Variants in ARHGEF12 observed in about 807,000 individuals in gnomAD.
The protein encoded by ARHGEF12 is KMT2A/ARHGEF12 fusion protein.
In ARHGEF12, 66 loss-of-function variants were observed where a neutral mutation model predicts 211.2. The ratio of observed to expected loss-of-function variants is 0.31; its 90% CI spans 0.26 to 0.38. ARHGEF12 has a LOEUF of 0.38. Among genes scored for constraint, ARHGEF12 ranks in the 10% least tolerant of loss-of-function variants. ARHGEF12 has a pLI of 1.00. For synonymous variants in ARHGEF12, 592 were observed against 638.4 expected, an observed-to-expected ratio of 0.93 and a Z score of 1.09; for missense variants, 1,429 against 1,869.5, an observed-to-expected ratio of 0.76 and a Z score of 4.34.
chr11:120,338,543 A>G (rs932095243), intron 1 of ARHGEF12, among the ~76,000 whole-genome samples: 1 of 152,212 alleles, frequency 6.6e-6, no homozygotes, highest in African/African-American at 2.4e-5. Flanking sequence ...TTCATTTTCA[A>G]TGAAATAATT....
At chr11:120,426,094 G>A (rs570267836) in intron 7 of ARHGEF12, among the ~76,000 whole-genome samples, 6 of 152,190 alleles carry the variant, frequency 3.9e-5, no homozygotes, top group African/African-American at 1.2e-4. Flanking sequence ...GCGTTCTTTA[G>A]TTTAAAAGAG....
At chr11:120,446,695 C>T (rs556850161) in intron 17 of ARHGEF12, among the ~76,000 whole-genome samples, 187 bp downstream of exon 17, 1 of 152,258 alleles carries the variant, frequency 6.6e-6, no homozygotes, top group Admixed American at 6.5e-5. Flanking sequence ...CTCTCCATTC[C>T]AGGCACTTGC....
At chr11:120,484,923 C>A (rs2136032356) in intron 40 of ARHGEF12, 144 bp from the exon 41 acceptor site, 2 of 829,174 alleles carry the variant, frequency 2.4e-6, no homozygotes, top group Non-Finnish European at 3.8e-6. Context: ...GATTTGTGTT[C>A]CCTGCAGCAG....
chr11:120,360,516 C>T (rs994733887), intron 1 of ARHGEF12, among the ~76,000 whole-genome samples: 5 of 152,102 alleles, frequency 3.3e-5, no homozygotes, highest in Admixed American at 6.6e-5. Context: ...CCTCAGCCTC[C>T]CAAGTAGCTG....
At chr11:120,403,200 A>C (rs1347965444) in intron 1 of ARHGEF12, among the ~76,000 whole-genome samples, 2 of 152,168 alleles carry the variant, frequency 1.3e-5, no homozygotes, top group African/African-American at 4.8e-5. Context: ...GCTGTGCTTA[A>C]TATACAAAAT....
intron 39 of ARHGEF12, among the ~76,000 whole-genome samples, chr11:120,483,585 A>G (rs191229140): frequency 1.2e-3 from 179 of 150,924 alleles, no homozygotes; most frequent in Non-Finnish European, 2.2e-3. Flanking sequence ...CACCACACCC[A>G]GCTAATTTTT....
rs564703814 is a variant in ARHGEF12 at position 120,469,485 on chromosome 11, C to T, written c.2955+97C>T. On this transcript the variant is annotated intron_variant, in intron 30 of 40. Coordinates refer to ENST00000397843, the MANE Select transcript of ARHGEF12 (RefSeq NM_015313.3). The stretch of plus-strand genomic sequence containing the variant: ...GAAATAGTTGTTAAAACTATCATTA[C>T]CTAATGGACAGGGAGAACATTTGTT... 21 of 974,772 alleles carry T rather than the reference C, an allele frequency of 2.2e-5. No individual in the cohort carries two copies. The African/African-American group carries it at 3.3e-4, about 15-fold the overall frequency. The allele number at this position is 974,772 out of a possible 1,614,324, so 60.4% of individuals were successfully genotyped here.
At chr11:120,459,463 C>T in intron 26 of ARHGEF12, 143 bp downstream of exon 26, 4 of 874,346 alleles carry the variant, frequency 4.6e-6, no homozygotes, top group Non-Finnish European at 5.0e-6. Flanking sequence ...ATGATTGGAA[C>T]TTTGACTAGA....
At chr11:120,409,898 GA>G in intron 4 of ARHGEF12, 1 of 152,432 alleles carries the variant, frequency 6.6e-6, no homozygotes, top group African/African-American at 2.4e-5. Context: ...CAGTTCTTTG[GA>G]ATTTTTATTT....
rs142635026 is a variant in ARHGEF12, at chr11:120,466,794, T to C, written c.2740-400T>C. Among the ~76,000 whole-genome samples, 93 of 152,356 alleles carry C rather than the reference T, an allele frequency of 6.1e-4. 2 individuals carry two copies. The East Asian group carries it at 0.011, about 18-fold the overall frequency. The stretch of plus-strand genomic sequence containing the variant: ...GTATAGATGAGCTGGCATACTCGAC[T>C]GGTTATCCATTGTGCATACTTGGAA... On this transcript the variant is annotated intron_variant, in intron 28 of 40. Coordinates refer to ENST00000397843, the MANE Select transcript of ARHGEF12 (RefSeq NM_015313.3).
Position 120,409,462 on chromosome 11 carries a change from T to C in ARHGEF12, c.199+12T>C. On this transcript the variant is annotated intron_variant, in intron 4 of 40. Coordinates refer to ENST00000397843, the MANE Select transcript of ARHGEF12 (RefSeq NM_015313.3). ...ATCCGAGATATATGGTAAGCTAATG[T>C]AGCTAATTCAGCCTTGCCCTTTGGA... 1 of 1,613,524 alleles carries C rather than the reference T, an allele frequency of 6.2e-7. No homozygotes were observed. Among genetic ancestry groups the C allele is most frequent in the South Asian group, 1.1e-5 (1 of 90,972 alleles).
intron 7 of ARHGEF12, among the ~76,000 whole-genome samples, chr11:120,427,181 A>C (rs994496855): frequency 2.0e-5 from 3 of 151,932 alleles, no homozygotes; most frequent in African/African-American, 7.3e-5. Flanking sequence ...TGGCCTGATT[A>C]TGGTGATTTT....
chr11:120,367,353 CTTTTTTTTTTTTTTTT>C lies in ARHGEF12; in HGVS notation c.32+30093_32+30108del, dbSNP rs1025919456. On this transcript the variant is annotated intron_variant, in intron 1 of 40. Transcript: ENST00000397843. Reference sequence around the variant, plus strand: ...AAAAAATCTGTTAGGATACTTTTTCCTTTTTTTTTTTTTTTTTTTTTTTTTTTTTTGAGGTGGAGTC... The same window carrying C: ...AAAAAATCTGTTAGGATACTTTTTCCTTTTTTTTTTTTTTGAGGTGGAGTC... Among the ~76,000 whole-genome samples, 102 of 59,354 alleles carry C rather than the reference CTTTTTTTTTTTTTTTT, an allele frequency of 1.7e-3. 2 individuals carry two copies. Among genetic ancestry groups the C allele is most frequent in the Admixed American group, 2.1e-3 (8 of 3,826 alleles). The allele number at this position is 59,354 out of a possible 152,430, so 38.9% of individuals were successfully genotyped here.
chr11:120,451,868 A>T, intron 22 of ARHGEF12, 144 bp downstream of exon 22: 1 of 763,514 alleles, frequency 1.3e-6, no homozygotes, highest in South Asian at 1.9e-5. Context: ...AACCAATAAG[A>T]AATCTATGCC....
chr11:120,400,862 G>A (rs768756640), intron 1 of ARHGEF12, among the ~76,000 whole-genome samples: 6 of 152,178 alleles, frequency 3.9e-5, no homozygotes, highest in Non-Finnish European at 8.8e-5. Context: ...ATTTAAGAAG[G>A]TAATTTGAGA....
intron 1 of ARHGEF12, among the ~76,000 whole-genome samples, chr11:120,339,066 T>G (rs527643631): frequency 6.6e-6 from 1 of 150,542 alleles, no homozygotes; most frequent in East Asian, 1.9e-4. Context: ...AAATGAATAT[T>G]GTAAGATTAA....
chr11:120,364,475 A>G (rs777150626), intron 1 of ARHGEF12, among the ~76,000 whole-genome samples: 13 of 152,202 alleles, frequency 8.5e-5, no homozygotes, highest in Non-Finnish European at 1.5e-4. Flanking sequence ...ATCTCAAGAC[A>G]TTAAGGATAT....
intron 39 of ARHGEF12, 79 bp downstream of exon 39, chr11:120,481,655 C>A: frequency 1.4e-6 from 2 of 1,384,662 alleles, no homozygotes; most frequent in Non-Finnish European, 2.0e-6. Context: ...GATGAAAATG[C>A]TGATGTCAAT....
chr11:120,355,767 A>G (rs1413270481), intron 1 of ARHGEF12, among the ~76,000 whole-genome samples: 1 of 152,222 alleles, frequency 6.6e-6, no homozygotes, highest in African/African-American at 2.4e-5. Flanking sequence ...TACATTTGCT[A>G]CTGTACCCAA....
Sources: allele counts gnomAD v4.1 joint callset (sites outside exome capture counted in the v4.1 genomes callset), GRCh38; gene constraint gnomAD v4.1.1; transcripts MANE v1.5; gene names NCBI Gene and HGNC (gene_info 2026-07-23, HGNC 2026-07-21).